Variants in FLT4 observed in about 807,000 individuals in gnomAD.
FLT4 encodes vascular endothelial growth factor receptor 3.
In FLT4, 30 loss-of-function variants were observed where a neutral mutation model predicts 163.2. That is an observed-to-expected ratio of 0.18 (90% CI 0.14 to 0.25). The LOEUF is 0.25. Ranked by LOEUF, FLT4 falls within the 10% of genes least tolerant of loss-of-function variation. The pLI, the probability that FLT4 is intolerant of heterozygous loss-of-function variation, is 1.00. For synonymous variants in FLT4, 884 were observed against 789.5 expected, an observed-to-expected ratio of 1.12 and a Z score of -2.01; for missense variants, 1,510 against 1,863.8, an observed-to-expected ratio of 0.81 and a Z score of 3.50.
At chr5:180,606,005 A>AC (rs1471387535) in intron 29 of FLT4, among the ~76,000 whole-genome samples, 2 of 151,716 alleles carry the variant, frequency 1.3e-5, no homozygotes, top group East Asian at 1.9e-4. Flanking sequence ...TTCTCCCCAC[A>AC]CCCCACCAAG....
intron 1 of FLT4, among the ~76,000 whole-genome samples, chr5:180,648,960 TC>T (rs1765617279): frequency 6.6e-6 from 1 of 151,992 alleles, no homozygotes; most frequent in East Asian, 2.0e-4. Context: ...CCGGCCCCTG[TC>T]CCCGCCGTCG....
intron 1 of FLT4, among the ~76,000 whole-genome samples, chr5:180,646,415 G>A (rs900761128): frequency 8.5e-5 from 13 of 152,146 alleles, no homozygotes; most frequent in Admixed American, 6.6e-4. Context: ...ACTCCTCCCA[G>A]ACTCCAGCCT....
At chr5:180,612,119 G>T (rs1398881594) in intron 26 of FLT4, among the ~76,000 whole-genome samples, 3 of 152,218 alleles carry the variant, frequency 2.0e-5, no homozygotes, top group Non-Finnish European at 2.9e-5. Flanking sequence ...AGAGATGTCA[G>T]CACACACAGG....
At chr5:180,640,532 C>T (rs1253309907) in intron 1 of FLT4, among the ~76,000 whole-genome samples, 1 of 152,266 alleles carries the variant, frequency 6.6e-6, no homozygotes, top group Non-Finnish European at 1.5e-5. Flanking sequence ...GCCCCAGTGG[C>T]CTCCACCACA....
rs569302264 is a variant in FLT4, at chr5:180,610,455, GT to G, written c.3687-431del. 3.3e-5 allele frequency among the ~76,000 whole-genome samples: 5 copies of G among 152,368 alleles called. No homozygotes were observed. In the South Asian group the frequency reaches 1.0e-3, roughly 32 times the overall value. On this transcript the variant is annotated intron_variant, in intron 27 of 29. Coordinates refer to ENST00000261937, the MANE Select transcript of FLT4 (RefSeq NM_182925.5). ...TGGCAGAATCCAGCTAACTGTTGTT[GT>G]CCCCCAGGCCTAGCCCTGCCGTATG...
At chr5:180,644,076 C>T (rs535937273) in intron 1 of FLT4, among the ~76,000 whole-genome samples, 1 of 152,316 alleles carries the variant, frequency 6.6e-6, no homozygotes, top group Non-Finnish European at 1.5e-5. Context: ...CTTGGCCTCC[C>T]GAAGTGCTGG....
At chr5:180,639,893 C>T (rs1042365648) in intron 1 of FLT4, among the ~76,000 whole-genome samples, 18 of 152,306 alleles carry the variant, frequency 1.2e-4, no homozygotes, top group African/African-American at 2.4e-4. Flanking sequence ...GTTCCTGGCC[C>T]GGGAACTGGC....
rs760338631 is a variant in FLT4, at chr5:180,601,744, G to A, written c.*1448C>T. ...ACACGCCAGTCCCACGTTGGACGAC[G>A]TGCAGAGGAAGGGGGAGGTCCACGG... On this transcript the variant is annotated 3_prime_UTR_variant, in exon 30 of 30. Transcript: ENST00000261937. 6.4e-5 allele frequency: 15 copies of A among 233,068 alleles called. No individual in the cohort carries two copies. Among genetic ancestry groups the A allele is most frequent in the African/African-American group, 2.2e-4 (10 of 45,294 alleles). The allele number at this position is 233,068 out of a possible 1,614,324, so 14.4% of individuals were successfully genotyped here. A position where few individuals can be genotyped will look rare whatever the true frequency, so the allele number is the denominator to read the frequency against.
At position 180,612,570 on chromosome 5, in the gene FLT4, G is replaced by C. The variant is rs1185976621; in HGVS notation, c.3473C>G (p.Ala1158Gly). The change falls in exon 26 of 30, where the codon GCG (alanine) becomes GGG (glycine). Residue 1158 changes from alanine to glycine, a missense_variant. By Grantham distance (60) the Ala-to-Gly change is moderately conservative. Around this residue, in one of 5 missense-constraint regions of FLT4, gnomAD observed 295 missense variants for 311.0 expected, o/e 0.95. Transcript: ENST00000261937. ...MLNCWSGDPK[A>G]RPAFSELVEI... ...CACCAGCTCCGAGAATGCAGGTCTC[G>C]CCTTGGGGTCTCCGGACCAGCAGTT... 1 of 1,614,036 alleles carries C rather than the reference G, an allele frequency of 6.2e-7. No individual in the cohort carries two copies. Among genetic ancestry groups the C allele is most frequent in the Non-Finnish European group, 8.5e-7 (1 of 1,179,942 alleles).
chr5:180,610,997 C>T (rs1241160992), intron 27 of FLT4, among the ~76,000 whole-genome samples: 1 of 152,156 alleles, frequency 6.6e-6, no homozygotes, highest in Non-Finnish European at 1.5e-5. Flanking sequence ...GCGGAGCTTG[C>T]GGTGAGCCGA....
Position 180,603,251 on chromosome 5 carries a change from C to G in FLT4, c.4033G>C (p.Glu1345Gln), listed in dbSNP as rs781063816. 2 of 1,614,084 alleles carry G rather than the reference C, an allele frequency of 1.2e-6. No homozygotes were observed. The highest frequency in any genetic ancestry group is 1.7e-6 in the Non-Finnish European group (2 of 1,180,054). ...SEYGELSEPS[E>Q]EDHCSPSARV... is the part of the protein sequence containing the mutation. Reference sequence around the variant, plus strand: ...GCAGACGGGGAGCAGTGGTCCTCCTCGCTTGGCTCCGACAGCTCCCCATAC... The same window carrying G: ...GCAGACGGGGAGCAGTGGTCCTCCTGGCTTGGCTCCGACAGCTCCCCATAC... Residue 1345 changes from glutamate (E) to glutamine (Q), a missense_variant, in exon 30 of 30, where the codon GAG becomes CAG. Physicochemically the swap from Glu to Gln is conservative, Grantham distance 29. This residue lies in a region of FLT4 where 295 missense variants were observed against 311.0 expected (regional missense o/e 0.95). Transcript: ENST00000261937.
chr5:180,627,415 C>T (rs1581668738), intron 8 of FLT4, among the ~76,000 whole-genome samples: 1 of 152,192 alleles, frequency 6.6e-6, no homozygotes, highest in Admixed American at 6.5e-5. Context: ...CTTGCTGGAT[C>T]TGAGACTCCT....
At chr5:180,641,303 A>C (rs943059346) in intron 1 of FLT4, among the ~76,000 whole-genome samples, 1 of 152,194 alleles carries the variant, frequency 6.6e-6, no homozygotes. Context: ...GGCCCAACAC[A>C]GCCGGCACAG....
Position 180,618,890 on chromosome 5 carries a change from G to A in FLT4, c.2881C>T (p.Arg961Cys), listed in dbSNP as rs868478447. 4.4e-6 allele frequency: 7 copies of A among 1,587,446 alleles called. No homozygotes were observed. In the East Asian group the frequency reaches 9.2e-5, roughly 21 times the overall value. ...EKSPEQRGRF[R>C]AMVELARLDR... The stretch of plus-strand genomic sequence containing the variant: ...AGCCTGGCGAGCTCCACCATGGCGC[G>A]GAAGCGTCCGCGCTGCTCGGGAGAC... The change falls in exon 21 of 30, where the codon CGC becomes TGC. Residue 961 changes from arginine (R) to cysteine (C), a missense_variant. By Grantham distance (180) the Arg-to-Cys change is radical (BLOSUM62 -3). Around this residue, in one of 5 missense-constraint regions of FLT4, gnomAD observed 878 missense variants for 1,016.7 expected, o/e 0.86. Coordinates refer to ENST00000261937, the MANE Select transcript of FLT4 (RefSeq NM_182925.5).
rs116224389 is a variant in FLT4 at position 180,643,884 on chromosome 5, C to T, written c.58+5604G>A. ...TTGCCCAGGCTGTAGTGCAGTGGCA[C>T]GGTCTCGGCTCACCGTAACCTCCGC... On this transcript the variant is annotated intron_variant, in intron 1 of 29. Coordinates refer to ENST00000261937, the MANE Select transcript of FLT4 (RefSeq NM_182925.5). Among the ~76,000 whole-genome samples, 27 of 151,872 alleles carry T rather than the reference C, an allele frequency of 1.8e-4. 1 individual carries two copies. The highest frequency in any genetic ancestry group is 1.9e-4 in the East Asian group (1 of 5,176).
Position 180,619,108 on chromosome 5 carries a change from G to T in FLT4, c.2763C>A (p.Gly921=). The change falls in exon 20 of 30, where the codon GGC becomes GGA. Residue 921 remains glycine, a splice_region_variant and synonymous_variant. Transcript: ENST00000261937. ...NLLGACTKPQ[G]PLMVIVEFCK... The stretch of plus-strand genomic sequence containing the variant: ...AGAACTCCACGATCACCATGAGGGG[G>T]CCTGCGGCGGGACCGGGCGGCGGCC... 6.6e-7 allele frequency: 1 copy of T among 1,525,280 alleles called. No homozygotes were observed. The highest frequency in any genetic ancestry group is 1.2e-5 in the South Asian group (1 of 81,382). 94.5% of individuals were successfully genotyped at this position (1,525,280 alleles called of 1,614,324 possible). A position where few individuals can be genotyped will look rare whatever the true frequency, so the allele number is the denominator to read the frequency against.
intron 1 of FLT4, among the ~76,000 whole-genome samples, chr5:180,645,591 C>T (rs377040581): frequency 6.6e-6 from 1 of 151,896 alleles, no homozygotes; most frequent in African/African-American, 2.4e-5. Flanking sequence ...GCGGGCCTCC[C>T]CTACTCACCA....
Position 180,620,810 on chromosome 5 carries a change from G to A in FLT4, c.2299+66C>T, listed in dbSNP as rs1214499904. On this transcript the variant is annotated intron_variant, in intron 15 of 29. Transcript: ENST00000261937. This position sits in a 1 kb window ranked among gnomAD's most constrained non-coding sequence, Gnocchi z 4.4. ...CTTCTGGTGGCCACGACTTGCCCAA[G>A]GTGGCCACAAGAAAGCGTTAACTGG... 3 of 1,606,834 alleles carry A rather than the reference G, an allele frequency of 1.9e-6. No homozygotes were observed. In the African/African-American group the frequency reaches 4.0e-5, roughly 21 times the overall value.
intron 27 of FLT4, among the ~76,000 whole-genome samples, chr5:180,610,929 T>G (rs451207): frequency 6.8e-6 from 1 of 148,090 alleles, no homozygotes; most frequent in African/African-American, 2.5e-5. Flanking sequence ...TGGTGGCGGG[T>G]GCCTGTAGTC....
Sources: gnomAD v4.1 joint callset for allele counts (sites outside exome capture counted in the v4.1 genomes callset) on GRCh38, gnomAD v4.1.1 for gene constraint, gnomAD v4.1.1 regional missense constraint, Gnocchi (gnomAD v3.1) non-coding constraint, MANE v1.5 for transcripts, NCBI Gene and HGNC (gene_info 2026-07-23, HGNC 2026-07-21) for gene names.